Variants in MUC13 observed in about 807,000 individuals in gnomAD.
The protein encoded by MUC13 is mucin 13, cell surface associated.
A neutral mutation model predicts 48.3 loss-of-function variants in MUC13; 32 were observed. The observed-to-expected ratio is 0.66, with a 90% CI of 0.50 to 0.89. The LOEUF (loss-of-function observed/expected upper bound fraction) is 0.89, where lower values mean the gene tolerates loss of function less well. Among genes scored for constraint, MUC13 ranks in the 40% least tolerant of loss-of-function variants. The pLI, the probability that MUC13 is intolerant of heterozygous loss-of-function variation, is 0.00. For synonymous variants in MUC13, 199 were observed against 224.9 expected (o/e 0.88, Z 1.03); for missense variants, 571 against 622.8 (o/e 0.92, Z 0.88).
chr3:124,933,654 A>T lies in MUC13; in HGVS notation c.52+1007T>A, dbSNP rs910183419. Among the ~76,000 whole-genome samples, 15 of 152,340 alleles carry T rather than the reference A, an allele frequency of 9.8e-5. No individual in the cohort carries two copies. The East Asian group carries it at 2.7e-3, about 27-fold the overall frequency. On this transcript the variant is annotated intron_variant, in intron 1 of 11. Transcript: ENST00000616727. ...TTCTTCCATAACTTGTTTTACCAAGATCCAAGCCCCCTTTCTTTCTGTAAC... is the reference window on the plus strand; with the variant it reads ...TTCTTCCATAACTTGTTTTACCAAGTTCCAAGCCCCCTTTCTTTCTGTAAC...
At chr3:124,927,333 G>T (rs572080108) in intron 2 of MUC13, among the ~76,000 whole-genome samples, 199 bp downstream of exon 2, 1 of 152,248 alleles carries the variant, frequency 6.6e-6, no homozygotes, top group South Asian at 2.1e-4. Context: ...GGAAGGAAAG[G>T]AGAACAGAAG....
At chr3:124,910,613 T>A (rs1263988279) in intron 9 of MUC13, 114 bp from the exon 10 acceptor site, 10 of 1,482,996 alleles carry the variant, frequency 6.7e-6, no homozygotes, top group Non-Finnish European at 9.0e-6. Flanking sequence ...CAGGTTCTGG[T>A]CTCCAACCCT....
At chr3:124,917,344 T>C (rs1204895305) in intron 5 of MUC13, among the ~76,000 whole-genome samples, 2 of 115,718 alleles carry the variant, frequency 1.7e-5, no homozygotes, top group African/African-American at 6.6e-5. Context: ...TCTATACACC[T>C]TTTTGACATT....
At chr3:124,933,789 C>A (rs1935837988) in intron 1 of MUC13, among the ~76,000 whole-genome samples, 1 of 152,138 alleles carries the variant, frequency 6.6e-6, no homozygotes, top group South Asian at 2.1e-4. Context: ...TCCTATTAGT[C>A]CATCTACTTC....
intron 2 of MUC13, among the ~76,000 whole-genome samples, chr3:124,926,114 G>A (rs1349607437): frequency 1.3e-5 from 2 of 152,192 alleles, no homozygotes; most frequent in South Asian, 2.1e-4. Flanking sequence ...GGAAGAATGT[G>A]TCTCCTTCTG....
At chr3:124,927,207 A>G (rs1222040101) in intron 2 of MUC13, among the ~76,000 whole-genome samples, 3 of 152,174 alleles carry the variant, frequency 2.0e-5, no homozygotes, top group African/African-American at 7.2e-5. Flanking sequence ...GAGCAGCTGA[A>G]ACTATTTCTA....
At chr3:124,925,544 G>A (rs1935672260) in intron 2 of MUC13, among the ~76,000 whole-genome samples, 3 of 152,186 alleles carry the variant, frequency 2.0e-5, no homozygotes, top group African/African-American at 7.2e-5. Flanking sequence ...AGGCCAGGGA[G>A]TATATGGGAA....
At position 124,922,234 on chromosome 3, in the gene MUC13, A is replaced by T. The variant is rs150242002; in HGVS notation, c.707T>A (p.Met236Lys). ...TTCACTATGCAAGTCTTGATAGGCC[A>T]TGGAATGTTTCTCTTCTGGGTCAAA... ...ETFDPEEKHSMAYQDLHSEIT... is the reference protein window; with the variant it reads ...ETFDPEEKHSKAYQDLHSEIT... The change falls in exon 4 of 12, where the codon ATG becomes AAG. Residue 236 changes from methionine (M) to lysine (K), a missense_variant. Transcript: ENST00000616727. 6 of 1,614,096 alleles carry T rather than the reference A, an allele frequency of 3.7e-6. No individual in the cohort carries two copies. The African/African-American group carries it at 8.0e-5, about 22-fold the overall frequency.
chr3:124,912,620 C>T (rs1935441595), intron 8 of MUC13, among the ~76,000 whole-genome samples: 1 of 152,172 alleles, frequency 6.6e-6, no homozygotes, highest in Admixed American at 6.5e-5. Context: ...TAGTGTGTTT[C>T]CTGGAGCATA....
At chr3:124,913,758 C>G in intron 6 of MUC13, 77 bp from the exon 7 acceptor site, 1 of 1,553,818 alleles carries the variant, frequency 6.4e-7, no homozygotes, top group East Asian at 2.3e-5. Flanking sequence ...TTACCCCACC[C>G]CATTGCTGTT....
At chr3:124,919,695 CTT>C (rs1436448721) in intron 5 of MUC13, among the ~76,000 whole-genome samples, 1 of 152,138 alleles carries the variant, frequency 6.6e-6, no homozygotes, top group Non-Finnish European at 1.5e-5. Context: ...TCTTCTGCCT[CTT>C]TGTTTCCCTA....
At chr3:124,925,214 A>G (rs1935667018) in intron 2 of MUC13, among the ~76,000 whole-genome samples, 1 of 152,238 alleles carries the variant, frequency 6.6e-6, no homozygotes, top group Admixed American at 6.5e-5. Flanking sequence ...AAAGAAGCCA[A>G]TCTCGAAAGG....
chr3:124,910,375 T>TA (rs34208404), intron 10 of MUC13, 40 bp downstream of exon 10: 54,889 of 1,192,044 alleles, frequency 0.046, no homozygotes, highest in South Asian at 0.068. Flanking sequence ...CATCTCTCTA[T>TA]AAAAAAAAAA....
intron 5 of MUC13, 115 bp from the exon 6 acceptor site, chr3:124,916,595 C>T: frequency 8.7e-7 from 1 of 1,153,116 alleles, no homozygotes; most frequent in Non-Finnish European, 1.2e-6. Context: ...TGTCCTGTCC[C>T]TATGATTCGG....
intron 1 of MUC13, among the ~76,000 whole-genome samples, chr3:124,931,095 A>G (rs1382047799): frequency 6.6e-6 from 1 of 152,132 alleles, no homozygotes; most frequent in Non-Finnish European, 1.5e-5. Context: ...GATTCCTTAC[A>G]CACACCTCCA....
chr3:124,919,263 G>C (rs532577498), intron 5 of MUC13, among the ~76,000 whole-genome samples: 54 of 151,458 alleles, frequency 3.6e-4, no homozygotes, highest in African/African-American at 1.3e-3. Context: ...CTTGAACCTG[G>C]GAGGTGGAGG....
chr3:124,910,827 C>T (rs1380447838), intron 9 of MUC13, among the ~76,000 whole-genome samples: 1 of 152,214 alleles, frequency 6.6e-6, no homozygotes, highest in Non-Finnish European at 1.5e-5. Context: ...CCTCTGCTGC[C>T]TTTGCCTGCC....
In MUC13 at chr3:124,930,617, G is replaced by A. The variant is rs186344810; in HGVS notation, c.53-2624C>T. On this transcript the variant is annotated intron_variant, in intron 1 of 11. Transcript: ENST00000616727. ...AAAGCTTCTAAATAACACAAGGATA[G>A]CACAACGTCCACAGAGGTACAAATC... 3.2e-4 allele frequency among the ~76,000 whole-genome samples: 49 copies of A among 152,266 alleles called. 1 individual carries two copies. Among genetic ancestry groups the A allele is most frequent in the Middle Eastern group, 3.4e-3 (1 of 294 alleles).
chr3:124,910,855 CT>C (rs1413147711), intron 9 of MUC13, among the ~76,000 whole-genome samples: 3 of 152,212 alleles, frequency 2.0e-5, no homozygotes, highest in African/African-American at 7.2e-5. Flanking sequence ...CCTCACCTTA[CT>C]GATAAGCTAA....
Sources: allele counts gnomAD v4.1 joint callset (sites outside exome capture counted in the v4.1 genomes callset), GRCh38; gene constraint gnomAD v4.1.1; transcripts MANE v1.5; gene names NCBI Gene and HGNC (gene_info 2026-07-23, HGNC 2026-07-21).